C1orf21: variants seen among roughly 807,000 people sequenced by gnomAD.
The protein encoded by C1orf21 is chromosome 1 open reading frame 21, also known as uncharacterized protein C1orf21.
C1orf21 carries 3 observed loss-of-function variants against 18.7 expected under a neutral mutation model. The observed-to-expected ratio is 0.16, with a 90% CI of 0.07 to 0.42. The LOEUF (loss-of-function observed/expected upper bound fraction) is 0.42, where lower values mean the gene tolerates loss of function less well. Among genes scored for constraint, C1orf21 ranks in the 10% least tolerant of loss-of-function variants. The probability of loss-of-function intolerance (pLI) is 0.99; values close to 1 mark genes in which losing one functional copy is unlikely to be tolerated. For missense variants in C1orf21, 104 were observed against 143.6 expected (o/e 0.72, Z 1.41); for synonymous variants, 41 against 46.4 (o/e 0.88, Z 0.47).
chr1:184,482,307 A>C (rs1054026801), intron 2 of C1orf21, among the ~76,000 whole-genome samples: 1 of 152,160 alleles, frequency 6.6e-6, no homozygotes, highest in East Asian at 1.9e-4. Context: ...CAAGAGAAAA[A>C]GTGGAAGCTG....
At chr1:184,537,743 C>T (rs945271337) in intron 3 of C1orf21, among the ~76,000 whole-genome samples, 143 of 152,208 alleles carry the variant, frequency 9.4e-4, no homozygotes, top group Non-Finnish European at 7.4e-5. Flanking sequence ...CTCCGCCTCC[C>T]GGGTTCAAGC....
At chr1:184,516,386 T>G (rs1658229418) in intron 3 of C1orf21, among the ~76,000 whole-genome samples, 1 of 152,216 alleles carries the variant, frequency 6.6e-6, no homozygotes, top group Non-Finnish European at 1.5e-5. Context: ...CCCGCACCTA[T>G]GGAGCTTATG....
At chr1:184,515,447 T>G (rs1658210540) in intron 3 of C1orf21, among the ~76,000 whole-genome samples, 1 of 152,166 alleles carries the variant, frequency 6.6e-6, no homozygotes, top group Non-Finnish European at 1.5e-5. Flanking sequence ...TTAGGACTGT[T>G]AGAACACAGT....
At chr1:184,537,500 A>G (rs183192109) in intron 3 of C1orf21, among the ~76,000 whole-genome samples, 1 of 152,176 alleles carries the variant, frequency 6.6e-6, no homozygotes, top group African/African-American at 2.4e-5. Flanking sequence ...AAGGATGAAT[A>G]ATATTCCGTT....
Position 184,608,110 on chromosome 1 carries a change from G to A in C1orf21, c.327+9649G>A, listed in dbSNP as rs114221857. Reference sequence around the variant, plus strand: ...ATTGCTGTGCCCGGGGATGGGGAATGAGAAATGGGTGGTAGTTTCATTTCT... The same window carrying A: ...ATTGCTGTGCCCGGGGATGGGGAATAAGAAATGGGTGGTAGTTTCATTTCT... On this transcript the variant is annotated intron_variant, in intron 5 of 5. Transcript: ENST00000235307. Among the ~76,000 whole-genome samples the A allele has an allele frequency of 1.6e-3, 248 of 152,306 alleles. 1 individual carries two copies. The highest frequency in any genetic ancestry group is 5.7e-3 in the African/African-American group (235 of 41,556).
At chr1:184,550,821 G>A (rs182014427) in intron 3 of C1orf21, among the ~76,000 whole-genome samples, 1 of 152,278 alleles carries the variant, frequency 6.6e-6, no homozygotes, top group African/African-American at 2.4e-5. Context: ...ACAGGCATGA[G>A]TTGCCGCACC....
chr1:184,456,546 A>G (rs1481993822), intron 1 of C1orf21, among the ~76,000 whole-genome samples: 2 of 152,222 alleles, frequency 1.3e-5, no homozygotes, highest in South Asian at 2.1e-4. Context: ...CTTTTACGGT[A>G]AAGACAGTTC....
At chr1:184,484,151 A>G (rs1424398509) in intron 2 of C1orf21, among the ~76,000 whole-genome samples, 5 of 151,264 alleles carry the variant, frequency 3.3e-5, no homozygotes, top group Non-Finnish European at 7.4e-5. Flanking sequence ...CTGGTCTTGA[A>G]CTCTTAACCT....
chr1:184,495,934 A>T (rs1326927393), intron 2 of C1orf21, among the ~76,000 whole-genome samples: 1 of 151,744 alleles, frequency 6.6e-6, no homozygotes, highest in Non-Finnish European at 1.5e-5. Flanking sequence ...AAAAAAAAAA[A>T]AAAAAAGATA....
chr1:184,495,188 A>C (rs540106299), intron 2 of C1orf21, among the ~76,000 whole-genome samples: 11 of 151,662 alleles, frequency 7.3e-5, no homozygotes, highest in Non-Finnish European at 1.2e-4. Flanking sequence ...TGTAACAGCC[A>C]CCTCCCTTTC....
At chr1:184,610,154 T>C (rs138884668) in intron 5 of C1orf21, among the ~76,000 whole-genome samples, 14 of 152,330 alleles carry the variant, frequency 9.2e-5, no homozygotes, top group Admixed American at 2.0e-4. Flanking sequence ...TTTTTACACA[T>C]TTAAATGGTT....
At chr1:184,575,300 G>C (rs562978332) in intron 3 of C1orf21, among the ~76,000 whole-genome samples, 3 of 152,164 alleles carry the variant, frequency 2.0e-5, no homozygotes, top group African/African-American at 7.2e-5. Context: ...TTCAGATTGT[G>C]TATAGAAATC....
intron 3 of C1orf21, among the ~76,000 whole-genome samples, chr1:184,568,816 GT>G (rs1440078980): frequency 2.6e-5 from 4 of 152,156 alleles, no homozygotes; most frequent in Non-Finnish European, 5.9e-5. Context: ...AGCTCCAAAG[GT>G]CATTCTGCCC....
intron 3 of C1orf21, chr1:184,567,600 G>A (rs543969200): frequency 3.8e-5 from 17 of 448,100 alleles, no homozygotes; most frequent in Admixed American, 7.3e-5. Context: ...TTGGGATTTC[G>A]TTGGTGGGGC....
intron 1 of C1orf21, among the ~76,000 whole-genome samples, chr1:184,406,303 C>T (rs1328748353): frequency 6.6e-6 from 1 of 152,114 alleles, no homozygotes. Context: ...AATTATATAA[C>T]AACAATGCTG....
intron 1 of C1orf21, among the ~76,000 whole-genome samples, chr1:184,401,004 A>G (rs962343312): frequency 2.6e-5 from 4 of 152,210 alleles, no homozygotes; most frequent in African/African-American, 7.2e-5. Context: ...AGCCTCACCA[A>G]TAGAAAAACA....
chr1:184,513,637 C>T (rs1658184336), intron 3 of C1orf21, among the ~76,000 whole-genome samples: 1 of 152,246 alleles, frequency 6.6e-6, no homozygotes, highest in African/African-American at 2.4e-5. Flanking sequence ...TTTGCTCCCA[C>T]AGTTAATTGT....
At chr1:184,404,804 A>T (rs541188287) in intron 1 of C1orf21, among the ~76,000 whole-genome samples, 1 of 152,178 alleles carries the variant, frequency 6.6e-6, no homozygotes, top group Non-Finnish European at 1.5e-5. Context: ...TAGTGCCATT[A>T]AACAGTCACT....
intron 3 of C1orf21, among the ~76,000 whole-genome samples, chr1:184,556,630 A>G (rs921859951): frequency 6.6e-6 from 1 of 152,204 alleles, no homozygotes; most frequent in African/African-American, 2.4e-5. Context: ...TCTTAAAGCT[A>G]TTATGTTTTA....
Sources: gnomAD v4.1 joint callset for allele counts (sites outside exome capture counted in the v4.1 genomes callset) on GRCh38, gnomAD v4.1.1 for gene constraint, MANE v1.5 for transcripts, NCBI Gene and HGNC (gene_info 2026-07-23, HGNC 2026-07-21) for gene names.